The following CLINT1 variants were observed in gnomAD, a reference collection of about 807,000 sequenced individuals.
CLINT1 encodes the protein clathrin interacting protein localized in the trans-Golgi region.
Under a neutral mutation model 70.4 loss-of-function variants are expected in CLINT1, and 15 were observed. The observed-to-expected ratio is 0.21, with a 90% CI of 0.14 to 0.33. CLINT1 has a LOEUF of 0.33. Ranked by LOEUF, CLINT1 falls within the 10% of genes least tolerant of loss-of-function variation. The probability of loss-of-function intolerance (pLI) is 1.00; values close to 1 mark genes in which losing one functional copy is unlikely to be tolerated. For synonymous variants in CLINT1, 227 were observed against 254.7 expected, an observed-to-expected ratio of 0.89 and a Z score of 1.04; for missense variants, 615 against 778.1, an observed-to-expected ratio of 0.79 and a Z score of 2.49.
chr5:157,798,414 A>G (rs925032444), intron 8 of CLINT1, among the ~76,000 whole-genome samples: 2 of 152,162 alleles, frequency 1.3e-5, no homozygotes, highest in Non-Finnish European at 2.9e-5. Context: ...CCAGCTGGGA[A>G]CATGTATTTC....
At chr5:157,839,978 A>C (rs1753100472) in intron 1 of CLINT1, among the ~76,000 whole-genome samples, 1 of 152,056 alleles carries the variant, frequency 6.6e-6, no homozygotes, top group Admixed American at 6.6e-5. Context: ...GCACTTTGGG[A>C]GGCCAAGGTG....
chr5:157,826,705 T>C (rs1763052076), intron 1 of CLINT1, among the ~76,000 whole-genome samples: 1 of 152,140 alleles, frequency 6.6e-6, no homozygotes. Context: ...AGTCAAAACT[T>C]TGTACAGAAA....
intron 5 of CLINT1, among the ~76,000 whole-genome samples, chr5:157,811,182 C>T (rs1762544712): frequency 6.6e-6 from 1 of 152,114 alleles, no homozygotes; most frequent in Non-Finnish European, 1.5e-5. Context: ...GCATGGTGAA[C>T]ATCATACTGA....
intron 1 of CLINT1, among the ~76,000 whole-genome samples, chr5:157,827,720 C>T (rs931998520): frequency 2.0e-5 from 3 of 152,238 alleles, no homozygotes; most frequent in Non-Finnish European, 4.4e-5. Flanking sequence ...CCCTTCCTTA[C>T]AACTTCAGTG....
intron 8 of CLINT1, among the ~76,000 whole-genome samples, chr5:157,797,113 C>T (rs1762091872): frequency 6.6e-6 from 1 of 152,110 alleles, no homozygotes; most frequent in African/African-American, 2.4e-5. Flanking sequence ...ACCATTTAAA[C>T]AAGCACACAT....
chr5:157,820,772 A>G (rs1313348649), intron 1 of CLINT1, among the ~76,000 whole-genome samples: 1 of 152,148 alleles, frequency 6.6e-6, no homozygotes, highest in Non-Finnish European at 1.5e-5. Flanking sequence ...ATTTGAAAGG[A>G]AAAAAATGGC....
At chr5:157,829,686 G>C in intron 1 of CLINT1, among the ~76,000 whole-genome samples, 1 of 116,816 alleles carries the variant, frequency 8.6e-6, no homozygotes. Context: ...ACCACACCCA[G>C]CTATTTTTTT....
At chr5:157,822,011 C>T (rs193205693) in intron 1 of CLINT1, among the ~76,000 whole-genome samples, 14 of 152,326 alleles carry the variant, frequency 9.2e-5, no homozygotes, top group East Asian at 3.9e-4. Context: ...GTGCCAACTG[C>T]GAGAAGTTAC....
At chr5:157,803,745 G>C in intron 7 of CLINT1, 26 bp from the exon 8 acceptor site, 3 of 1,495,600 alleles carry the variant, frequency 2.0e-6, no homozygotes, top group South Asian at 1.4e-5. Flanking sequence ...TAACTCAGGA[G>C]CTTCGAAAAG....
In CLINT1 at chr5:157,791,996, CT is replaced by C. The variant is rs751283243; in HGVS notation, c.1088-2del. The C allele has an allele frequency of 4.3e-6, 7 of 1,611,018 alleles. No homozygotes were observed. In the African/African-American group the frequency reaches 9.4e-5, roughly 22 times the overall value. The stretch of plus-strand genomic sequence containing the variant: ...TCTCCATTCCCACTTGTTGCTGTTA[CT>C]AAGACAGAAATAACTCTAAGGGTAA... On this transcript the variant is annotated splice_acceptor_variant, in intron 9 of 11. Coordinates refer to ENST00000411809, the MANE Select transcript of CLINT1 (RefSeq NM_014666.4). LOFTEE classifies it high-confidence loss of function.
chr5:157,837,189 C>G (rs1763450669), intron 1 of CLINT1, among the ~76,000 whole-genome samples: 1 of 152,072 alleles, frequency 6.6e-6, no homozygotes, highest in African/African-American at 2.4e-5. Context: ...ACTGCTTGAG[C>G]CCGGGAGTTT....
At chr5:157,805,396 C>T (rs1157986607) in intron 7 of CLINT1, among the ~76,000 whole-genome samples, 1 of 152,182 alleles carries the variant, frequency 6.6e-6, no homozygotes, top group African/African-American at 2.4e-5. Flanking sequence ...GGCAGTGCTT[C>T]TTTTGATACT....
At chr5:157,822,426 C>T (rs1470258951) in intron 1 of CLINT1, among the ~76,000 whole-genome samples, 1 of 152,182 alleles carries the variant, frequency 6.6e-6, no homozygotes, top group African/African-American at 2.4e-5. Context: ...AAGTGCCTTT[C>T]ACCTCCCGCC....
intron 1 of CLINT1, among the ~76,000 whole-genome samples, chr5:157,835,971 C>G (rs1280685905): frequency 6.6e-6 from 1 of 152,202 alleles, no homozygotes; most frequent in Admixed American, 6.5e-5. Context: ...GGAGCCATCA[C>G]GAATTTCATT....
intron 9 of CLINT1, among the ~76,000 whole-genome samples, chr5:157,794,073 T>TAAAAAAA (rs1212458058): frequency 6.6e-6 from 1 of 151,560 alleles, no homozygotes; most frequent in African/African-American, 2.4e-5. Context: ...TAAAAAAAAA[T>TAAAAAAA]AAAAAAGACA....
intron 1 of CLINT1, among the ~76,000 whole-genome samples, chr5:157,826,203 A>G (rs558973312): frequency 6.6e-5 from 10 of 152,272 alleles, no homozygotes; most frequent in African/African-American, 2.4e-4. Flanking sequence ...TGAAAATGGA[A>G]ATGTCTGTAC....
At chr5:157,794,440 G>A (rs1366144183) in intron 9 of CLINT1, among the ~76,000 whole-genome samples, 4 of 152,152 alleles carry the variant, frequency 2.6e-5, no homozygotes, top group Non-Finnish European at 5.9e-5. Flanking sequence ...ATGTCAAAAT[G>A]AAGTTCAGTT....
chr5:157,830,804 A>C (rs1013952711), intron 1 of CLINT1, among the ~76,000 whole-genome samples: 297 of 145,620 alleles, frequency 2.0e-3, no homozygotes, highest in South Asian at 8.0e-3. Flanking sequence ...CTCTATATAT[A>C]TATATATATA....
At chr5:157,822,849 T>C (rs1222334366) in intron 1 of CLINT1, among the ~76,000 whole-genome samples, 2 of 152,202 alleles carry the variant, frequency 1.3e-5, no homozygotes, top group Admixed American at 1.3e-4. Context: ...CTTGTTGGTA[T>C]TTTTTCCTCT....
Sources: gnomAD v4.1 joint callset for allele counts (sites outside exome capture counted in the v4.1 genomes callset) on GRCh38, gnomAD v4.1.1 for gene constraint, MANE v1.5 for transcripts, NCBI Gene and HGNC (gene_info 2026-07-23, HGNC 2026-07-21) for gene names.